The following PLXNB2 variants were observed in gnomAD, a reference collection of about 807,000 sequenced individuals.
PLXNB2 encodes plexin-B2.
In PLXNB2, 85 loss-of-function variants were observed where a neutral mutation model predicts 202.6. The ratio of observed to expected loss-of-function variants is 0.42; its 90% CI spans 0.35 to 0.50. The LOEUF (loss-of-function observed/expected upper bound fraction) is 0.50. PLXNB2 is among the 20% of genes least tolerant of loss of function. The probability of loss-of-function intolerance (pLI) is 0.02; values close to 1 mark genes in which losing one functional copy is unlikely to be tolerated. For synonymous variants in PLXNB2, 1,239 were observed against 1,137.6 expected (o/e 1.09, Z -1.79); for missense variants, 2,063 against 2,586.2 (o/e 0.80, Z 4.39).
At chr22:50,296,885 C>T (rs969427127) in intron 1 of PLXNB2, among the ~76,000 whole-genome samples, 1 of 152,114 alleles carries the variant, frequency 6.6e-6, no homozygotes, top group Admixed American at 6.5e-5. Context: ...AGCAGGGGGG[C>T]GGCGGGAAGG....
Position 50,297,861 on chromosome 22 carries a change from C to G in PLXNB2, c.-73-3083G>C, listed in dbSNP as rs746916754. ...TCATTATGGCGCCCACCTCAGAGGGCTGCCTTGAGGTTGAGTGGGTGTGGA... is the reference window on the plus strand; with the variant it reads ...TCATTATGGCGCCCACCTCAGAGGGGTGCCTTGAGGTTGAGTGGGTGTGGA... On this transcript the variant is annotated intron_variant, in intron 1 of 36. Transcript: ENST00000359337. This position sits in a 1 kb window ranked among gnomAD's most constrained non-coding sequence, Gnocchi z 5.3. Among the ~76,000 whole-genome samples, 15 of 152,184 alleles carry G rather than the reference C, an allele frequency of 9.9e-5. No homozygotes were observed. Among genetic ancestry groups the G allele is most frequent in the Non-Finnish European group, 2.1e-4 (14 of 68,036 alleles).
chr22:50,305,361 G>A (rs1011705127), intron 1 of PLXNB2, among the ~76,000 whole-genome samples: 14 of 152,318 alleles, frequency 9.2e-5, no homozygotes, highest in South Asian at 4.1e-4. Context: ...CCTCCTCCCC[G>A]ATGTGGTCCC....
At position 50,305,203 on chromosome 22, in the gene PLXNB2, C is replaced by T. The variant is rs1022885284; in HGVS notation, c.-74+2350G>A. ...ACAGGGTGAGGCAGGGGGCAGGACA[C>T]GGTGAGCACGGACGACGTCCTGGGA... On this transcript the variant is annotated intron_variant, in intron 1 of 36. Transcript: ENST00000359337. 3.3e-5 allele frequency among the ~76,000 whole-genome samples: 5 copies of T among 152,220 alleles called. No individual in the cohort carries two copies. The East Asian group carries it at 5.8e-4, about 18-fold the overall frequency.
At chr22:50,279,880 G>T in intron 26 of PLXNB2, 104 bp from the exon 27 acceptor site, 7 of 1,473,872 alleles carry the variant, frequency 4.7e-6, no homozygotes, top group Non-Finnish European at 6.6e-6. Context: ...CCATGTCAGG[G>T]GCAGGAAGCA....
chr22:50,276,024 G>T (rs527548070), intron 35 of PLXNB2, 61 bp from the exon 36 acceptor site: 36 of 1,495,028 alleles, frequency 2.4e-5, no homozygotes, highest in Admixed American at 1.8e-4. Flanking sequence ...GGGCTGGCAG[G>T]AGTAGTACGG....
chr22:50,282,394 G>A (rs900009046), intron 18 of PLXNB2, 81 bp from the exon 19 acceptor site: 3 of 1,440,102 alleles, frequency 2.1e-6, no homozygotes, highest in African/African-American at 2.9e-5. Flanking sequence ...CGCCCACCCT[G>A]GCCCTGACCA....
In PLXNB2 at chr22:50,286,104, T is replaced by C. The variant is rs748539351; in HGVS notation, c.1878-6A>G. ...TGCTCACGCAGGAGATGCACCTGCA[T>C]CCAGAGGGGATCGTGAGCAGGGCTG... On this transcript the variant is annotated splice_polypyrimidine_tract_variant and splice_region_variant and intron_variant, in intron 9 of 36. Transcript: ENST00000359337. 9 of 1,612,056 alleles carry C rather than the reference T, an allele frequency of 5.6e-6. No individual in the cohort carries two copies. Among genetic ancestry groups the C allele is most frequent in the Non-Finnish European group, 7.6e-6 (9 of 1,179,644 alleles).
At position 50,284,965 on chromosome 22, in the gene PLXNB2, T is replaced by A; in HGVS notation, c.2089-300A>T. The A allele has an allele frequency of 1.9e-6, 1 of 524,900 alleles. No individual in the cohort carries two copies. The highest frequency in any genetic ancestry group is 3.8e-6 in the Non-Finnish European group (1 of 265,602). 32.5% of individuals were successfully genotyped at this position (524,900 alleles called of 1,614,324 possible). A position where few individuals can be genotyped will look rare whatever the true frequency, so the allele number is the denominator to read the frequency against. ...CATCGTGGCCCCCACAGCTCCCTCC[T>A]CAGGAGGTGGCACTGGCCCCTCAAT... On this transcript the variant is annotated intron_variant, in intron 11 of 36. Transcript: ENST00000359337. The surrounding 1 kb of genome is among the most constrained non-coding windows in gnomAD (Gnocchi z 8.0).
In PLXNB2 at chr22:50,278,807, C is replaced by A. The variant is rs776779301; in HGVS notation, c.4546+48G>T. 3.8e-6 allele frequency: 6 copies of A among 1,599,112 alleles called. No homozygotes were observed. The South Asian group carries it at 6.6e-5, about 18-fold the overall frequency. On this transcript the variant is annotated intron_variant, in intron 28 of 36. Coordinates refer to ENST00000359337, the MANE Select transcript of PLXNB2 (RefSeq NM_012401.4). ...GCAGGATACCGCCCCAGGACACAGG[C>A]CAGGCACATGGGCGCCTGTGTGCAG...
rs558297353 is a variant in PLXNB2 at position 50,291,263 on chromosome 22, C to T, written c.-13-666G>A. Among the ~76,000 whole-genome samples, 2 of 152,228 alleles carry T rather than the reference C, an allele frequency of 1.3e-5. No individual in the cohort carries two copies. The highest frequency in any genetic ancestry group is 2.9e-5 in the Non-Finnish European group (2 of 68,048). On this transcript the variant is annotated intron_variant, in intron 2 of 36. Transcript: ENST00000359337. The surrounding 1 kb of genome is among the most constrained non-coding windows in gnomAD (Gnocchi z 4.3). The stretch of plus-strand genomic sequence containing the variant: ...ATCACCCACAGCTCCTCGCTCGGCC[C>T]ATGTCACGCCCAGGGCACAGCCTCT...
intron 27 of PLXNB2, 138 bp from the exon 28 acceptor site, chr22:50,279,149 AG>A: frequency 1.2e-6 from 1 of 854,776 alleles, no homozygotes; most frequent in Non-Finnish European, 1.8e-6. Context: ...CCCGGCTCCG[AG>A]CCCCCGAGGC....
chr22:50,281,520 A>G, intron 21 of PLXNB2, 21 bp from the exon 22 acceptor site: 1 of 1,608,406 alleles, frequency 6.2e-7, no homozygotes, highest in South Asian at 1.1e-5. Flanking sequence ...GGCCGGGTTC[A>G]GCGCGGTCCC....
rs1056628857 is a variant in PLXNB2, at chr22:50,279,764, C to T, written c.4255G>A (p.Glu1419Lys). 1.9e-6 allele frequency: 3 copies of T among 1,613,786 alleles called. No homozygotes were observed. Among genetic ancestry groups the T allele is most frequent in the Middle Eastern group, 1.6e-4 (1 of 6,082 alleles). ...GCCTTGAAGAGCTTGTACAGGGGCTCCCCGGCACTGTCCTGGAGTAACACG... is the reference window on the plus strand; with the variant it reads ...GCCTTGAAGAGCTTGTACAGGGGCTTCCCGGCACTGTCCTGGAGTAACACG... The part of the protein sequence containing the change: ...LYQYLKDSAG[E>K]PLYKLFKAIK... The change falls in exon 27 of 37, where the codon GAG becomes AAG. Residue 1419 changes from glutamate (E) to lysine (K), a missense_variant. By Grantham distance (56) the Glu-to-Lys change is moderately conservative. This residue lies in a region of PLXNB2 where 760 missense variants were observed against 1,109.4 expected (regional missense o/e 0.69). Transcript: ENST00000359337.
In PLXNB2 at chr22:50,294,763, C is replaced by G; in HGVS notation, c.-58G>C. 1.0e-6 allele frequency: 1 copy of G among 985,584 alleles called. No individual in the cohort carries two copies. Among genetic ancestry groups the G allele is most frequent in the Non-Finnish European group, 1.2e-6 (1 of 830,012 alleles). The allele number at this position is 985,584 out of a possible 1,614,324, so 61.1% of individuals were successfully genotyped here. On this transcript the variant is annotated 5_prime_UTR_variant, in exon 2 of 37. Coordinates refer to ENST00000359337, the MANE Select transcript of PLXNB2 (RefSeq NM_012401.4). ...GGTCCAGCTCAGTTTCTGCTCCAGGCCAGCATCGAGATTCTCTAGGAGGCA... is the reference window on the plus strand; with the variant it reads ...GGTCCAGCTCAGTTTCTGCTCCAGGGCAGCATCGAGATTCTCTAGGAGGCA...
chr22:50,301,264 G>T, intron 1 of PLXNB2: 1 of 388,140 alleles, frequency 2.6e-6, no homozygotes, highest in Non-Finnish European at 3.5e-6. Flanking sequence ...ACCCCATCCT[G>T]TCCAACCTGG....
At position 50,282,898 on chromosome 22, in the gene PLXNB2, G is replaced by GCTGGT; in HGVS notation, c.2817-22_2817-18dup. 1.2e-6 allele frequency: 2 copies of GCTGGT among 1,600,748 alleles called. No homozygotes were observed. Among genetic ancestry groups the GCTGGT allele is most frequent in the Non-Finnish European group, 1.7e-6 (2 of 1,172,342 alleles). The stretch of plus-strand genomic sequence containing the variant: ...AACTTCGTCCTGGGGGAGGGAGGGT[G>GCTGGT]CTGGTCTGCATCAACCCCTCCCCCG... On this transcript the variant is annotated splice_polypyrimidine_tract_variant and intron_variant, in intron 17 of 36. Transcript: ENST00000359337.
intron 1 of PLXNB2, among the ~76,000 whole-genome samples, chr22:50,299,393 T>G (rs1221985638): frequency 1.4e-5 from 2 of 148,124 alleles, no homozygotes; most frequent in African/African-American, 5.0e-5. Context: ...CGTCTGAGAG[T>G]GGCTGTCCCG....
intron 1 of PLXNB2, among the ~76,000 whole-genome samples, chr22:50,295,164 C>CA (rs2067167127): frequency 6.6e-6 from 1 of 151,900 alleles, no homozygotes; most frequent in Admixed American, 6.6e-5. Flanking sequence ...ACTAAAAATA[C>CA]AAAAAAATTA....
chr22:50,281,794 G>A, intron 20 of PLXNB2, 52 bp from the exon 21 acceptor site: 2 of 1,574,246 alleles, frequency 1.3e-6, no homozygotes, highest in Non-Finnish European at 1.7e-6. Flanking sequence ...GGGACAGGTG[G>A]ACCAGCTCTC....
Sources: gnomAD v4.1 joint callset for allele counts (sites outside exome capture counted in the v4.1 genomes callset) on GRCh38, gnomAD v4.1.1 for gene constraint, gnomAD v4.1.1 regional missense constraint, Gnocchi (gnomAD v3.1) non-coding constraint, MANE v1.5 for transcripts, NCBI Gene and HGNC (gene_info 2026-07-23, HGNC 2026-07-21) for gene names.